Variants in MACF1 observed in about 807,000 individuals in gnomAD.
The protein encoded by MACF1 is microtubule-actin cross-linking factor 1.
MACF1 carries 193 observed loss-of-function variants against 854.8 expected under a neutral mutation model. That is an observed-to-expected ratio of 0.23 (90% confidence interval 0.20 to 0.25). The LOEUF (loss-of-function observed/expected upper bound fraction) is 0.25, where lower values mean the gene tolerates loss of function less well. Ranked by LOEUF, MACF1 falls within the 10% of genes least tolerant of loss-of-function variation. MACF1 has a pLI of 1.00. For synonymous variants in MACF1, 3,185 were observed against 3,226.7 expected (o/e 0.99, Z 0.44); for missense variants, 7,722 against 8,929.1 (o/e 0.86, Z 5.45).
chr1:39,248,057 T>C (rs1050323092), intron 2 of MACF1, among the ~76,000 whole-genome samples: 9 of 152,120 alleles, frequency 5.9e-5, no homozygotes, highest in African/African-American at 2.2e-4. Flanking sequence ...TTAAAGCTAT[T>C]TTCCAGTTCA....
chr1:39,086,077 C>A (rs1571021098), intron 2 of MACF1, among the ~76,000 whole-genome samples: 1 of 152,306 alleles, frequency 6.6e-6, no homozygotes, highest in Non-Finnish European at 1.5e-5. Context: ...CCCATCACTC[C>A]CTTAGAAGAG....
chr1:39,452,455 A>G, intron 86 of MACF1, 105 bp downstream of exon 86: 1 of 1,247,998 alleles, frequency 8.0e-7, no homozygotes. Flanking sequence ...TAAGTATAAC[A>G]GAGTTGAAAA....
chr1:39,163,632 A>C (rs1227750579), intron 2 of MACF1, among the ~76,000 whole-genome samples: 2 of 152,120 alleles, frequency 1.3e-5, no homozygotes, highest in African/African-American at 4.8e-5. Flanking sequence ...CTTAGTTCTG[A>C]TACATTTGTC....
Position 39,333,970 on chromosome 1 carries a change from G to A in MACF1, c.7382G>A (p.Ser2461Asn). 6.2e-7 allele frequency: 1 copy of A among 1,614,142 alleles called. No homozygotes were observed. Among genetic ancestry groups the A allele is most frequent in the South Asian group, 1.1e-5 (1 of 91,080 alleles). The change falls in exon 37 of 101, where the codon AGT becomes AAT. Residue 2461 changes from serine to asparagine, a missense_variant. Ser to Asn is a conservative substitution (Grantham distance 46). Coordinates refer to ENST00000564288, the MANE Select transcript of MACF1 (RefSeq NM_001394062.1). ...AEKTVRERLI[S>N]LQMETTGLID... ...AAAACAGTTAGGGAGAGATTAATTA[G>A]TTTACAAATGGAAACAACAGGACTT...
chr1:39,133,311 G>C (rs552359204), intron 2 of MACF1, among the ~76,000 whole-genome samples: 16 of 152,338 alleles, frequency 1.1e-4, no homozygotes, highest in African/African-American at 3.6e-4. Context: ...TACCCGTCCA[G>C]TCTGGCCTGT....
At chr1:39,092,908 G>T (rs748458366) in intron 2 of MACF1, among the ~76,000 whole-genome samples, 2 of 151,898 alleles carry the variant, frequency 1.3e-5, no homozygotes, top group Non-Finnish European at 2.9e-5. Flanking sequence ...TCAGCCCCCC[G>T]AGTAACTGGG....
chr1:39,413,015 C>T lies in MACF1; in HGVS notation c.15817-9359C>T, dbSNP rs1446150469. On this transcript the variant is annotated intron_variant, in intron 58 of 100. Transcript: ENST00000564288. The stretch of plus-strand genomic sequence containing the variant: ...GTCCCAGCTGTTACAGTATCTGTCC[C>T]TGAAGGGACTGCTGCAGTTGCTGCA... 5 of 1,582,796 alleles carry T rather than the reference C, an allele frequency of 3.2e-6. No homozygotes were observed. In the Admixed American group the frequency reaches 5.5e-5, roughly 17 times the overall value.
chr1:39,150,239 A>G (rs1174963507), intron 2 of MACF1, among the ~76,000 whole-genome samples: 1 of 152,116 alleles, frequency 6.6e-6, no homozygotes, highest in Non-Finnish European at 1.5e-5. Flanking sequence ...GGCTGGTCTC[A>G]AATTCCTGAG....
At chr1:39,087,461 A>G (rs1473445896) in intron 2 of MACF1, among the ~76,000 whole-genome samples, 1 of 152,204 alleles carries the variant, frequency 6.6e-6, no homozygotes, top group East Asian at 1.9e-4. Context: ...TACAAAGCCA[A>G]ACAGGTTTTA....
At chr1:39,220,182 A>G (rs746525165) in intron 1 of MACF1, among the ~76,000 whole-genome samples, 8 of 151,808 alleles carry the variant, frequency 5.3e-5, no homozygotes, top group Non-Finnish European at 1.0e-4. Context: ...AATGAAAAAA[A>G]AATTTTTTTT....
At position 39,295,086 on chromosome 1, in the gene MACF1, G is replaced by T. The variant is rs756644066; in HGVS notation, c.2195G>T (p.Arg732Leu). ...MELEEKQDVFRSLQDTAELLS... is the reference protein window; with the variant it reads ...MELEEKQDVFLSLQDTAELLS... ...CTGGAGGAGAAACAGGATGTGTTTC[G>T]TTCTCTACAAGATACAGCAGAACTA... The change falls in exon 19 of 101, where the codon CGT becomes CTT. Residue 732 changes from arginine to leucine, a missense_variant. This residue lies in a region of MACF1 where 1,137 missense variants were observed against 1,263.0 expected (regional missense o/e 0.90). Coordinates refer to ENST00000564288, the MANE Select transcript of MACF1 (RefSeq NM_001394062.1). 1.2e-6 allele frequency: 2 copies of T among 1,614,006 alleles called. No individual in the cohort carries two copies. The highest frequency in any genetic ancestry group is 1.7e-6 in the Non-Finnish European group (2 of 1,179,940).
intron 72 of MACF1, 38 bp from the exon 73 acceptor site, chr1:39,440,965 T>G (rs1319507645): frequency 6.2e-7 from 1 of 1,612,898 alleles, no homozygotes. Flanking sequence ...TCTGTTCTGT[T>G]TTCTATTTTG....
intron 97 of MACF1, among the ~76,000 whole-genome samples, chr1:39,476,652 T>C (rs564881199): frequency 1.3e-5 from 2 of 152,190 alleles, no homozygotes; most frequent in Non-Finnish European, 2.9e-5. Flanking sequence ...TGTCACAGCA[T>C]TGGCTACAAT....
At position 39,270,926 on chromosome 1, in the gene MACF1, C is replaced by T. The variant is rs552450877; in HGVS notation, c.529-11282C>T. ...CCCCACAGACAGCCCCATCTTAGTG[C>T]CCTCTGTTATTAGAGTTTGGAGACT... On this transcript the variant is annotated intron_variant, in intron 6 of 100. Transcript: ENST00000564288. Among the ~76,000 whole-genome samples, 440 of 152,228 alleles carry T rather than the reference C, an allele frequency of 2.9e-3. 2 individuals are homozygous for T. Among genetic ancestry groups the T allele is most frequent in the African/African-American group, 0.01 (428 of 41,508 alleles).
chr1:39,116,858 C>T (rs1642560628), intron 2 of MACF1, among the ~76,000 whole-genome samples: 1 of 152,142 alleles, frequency 6.6e-6, no homozygotes, highest in African/African-American at 2.4e-5. Context: ...AGGATTCACT[C>T]ACTCTCCATG....
chr1:39,151,977 T>A (rs912387366), intron 2 of MACF1, among the ~76,000 whole-genome samples: 13 of 152,006 alleles, frequency 8.6e-5, no homozygotes, highest in Non-Finnish European at 7.4e-5. Flanking sequence ...ATATATATAT[T>A]TTTTATTTTT....
intron 2 of MACF1, among the ~76,000 whole-genome samples, chr1:39,192,967 A>G (rs550463466): frequency 6.6e-6 from 1 of 151,838 alleles, no homozygotes; most frequent in East Asian, 1.9e-4. Flanking sequence ...AAAAAATTAG[A>G]CGGGCATGGT....
At chr1:39,416,988 G>A (rs1232007093) in intron 58 of MACF1, among the ~76,000 whole-genome samples, 1 of 152,182 alleles carries the variant, frequency 6.6e-6, no homozygotes, top group Admixed American at 6.5e-5. Context: ...ATTTTAAAAG[G>A]TTTTTCCAAG....
Position 39,288,929 on chromosome 1 carries a change from C to T in MACF1, c.1785+1367C>T, listed in dbSNP as rs940819426. 3.9e-5 allele frequency among the ~76,000 whole-genome samples: 6 copies of T among 152,262 alleles called. No homozygotes were observed. The South Asian group carries it at 6.2e-4, about 16-fold the overall frequency. On this transcript the variant is annotated intron_variant, in intron 15 of 100. Coordinates refer to ENST00000564288, the MANE Select transcript of MACF1 (RefSeq NM_001394062.1). Reference sequence around the variant, plus strand: ...AATCATCCCCACCTCCCTCTGATCCCGTAATACTCTTCCCAGCCTGTTTTG... The same window carrying T: ...AATCATCCCCACCTCCCTCTGATCCTGTAATACTCTTCCCAGCCTGTTTTG...
Sources: gnomAD v4.1 joint callset for allele counts (sites outside exome capture counted in the v4.1 genomes callset) on GRCh38, gnomAD v4.1.1 for gene constraint, gnomAD v4.1.1 regional missense constraint, MANE v1.5 for transcripts, NCBI Gene and HGNC (gene_info 2026-07-23, HGNC 2026-07-21) for gene names.